The following RP1 variants were observed in gnomAD, a reference collection of about 807,000 sequenced individuals.
RP1 encodes oxygen-regulated protein 1.
RP1 carries 16 observed loss-of-function variants against 14.8 expected under a neutral mutation model. That is an observed-to-expected ratio of 1.08 (90% CI 0.73 to 1.65). RP1 has a LOEUF of 1.65. Among genes scored for constraint, RP1 ranks in the 40% most tolerant of loss-of-function variants. RP1 has a pLI of 0.00. For synonymous variants in RP1, 876 were observed against 883.6 expected (o/e 0.99, Z 0.15); for missense variants, 2,631 against 2,535.0 (o/e 1.04, Z -0.81).
intron 24 of RP1, among the ~76,000 whole-genome samples, chr8:54,802,088 G>C (rs1201186327): frequency 6.6e-6 from 1 of 152,014 alleles, no homozygotes; most frequent in East Asian, 1.9e-4. Flanking sequence ...ATGTATAAAG[G>C]CTCAGTAACC....
chr8:54,613,840 CAT>C (rs1179088664), upstream of RP1, among the ~76,000 whole-genome samples: 1 of 152,112 alleles, frequency 6.6e-6, no homozygotes, highest in Non-Finnish European at 1.5e-5. Context: ...CAGAGTAAGA[CAT>C]ATGGATCGAA....
chr8:54,615,391 G>A (rs185533613), upstream of RP1, among the ~76,000 whole-genome samples: 197 of 152,240 alleles, frequency 1.3e-3, no homozygotes, highest in Non-Finnish European at 2.3e-3. Flanking sequence ...AGGAAGCCCC[G>A]TAGGAAACCC....
At chr8:54,689,942 G>A (rs1192075074) in intron 12 of RP1, among the ~76,000 whole-genome samples, 1 of 151,626 alleles carries the variant, frequency 6.6e-6, no homozygotes, top group Non-Finnish European at 1.5e-5. Flanking sequence ...ATTTCATAGG[G>A]GATATAGCTT....
chr8:54,672,030 G>C (rs1220685164), intron 7 of RP1, among the ~76,000 whole-genome samples: 1 of 152,130 alleles, frequency 6.6e-6, no homozygotes. Flanking sequence ...AACCTTTTCT[G>C]ACAATGTGTC....
chr8:54,705,957 A>G (rs938720512), intron 14 of RP1, among the ~76,000 whole-genome samples: 1 of 151,936 alleles, frequency 6.6e-6, no homozygotes, highest in African/African-American at 2.4e-5. Context: ...AACTCTCAAG[A>G]GTCTTTTATA....
intron 24 of RP1, among the ~76,000 whole-genome samples, chr8:54,791,210 TA>T (rs538866903): frequency 6.6e-6 from 1 of 151,546 alleles, no homozygotes; most frequent in South Asian, 2.1e-4. Context: ...TTCAAAATAC[TA>T]AAAAAAACCT....
chr8:54,594,058 G>A (rs1805092143), intron 1 of RP1, among the ~76,000 whole-genome samples: 1 of 142,996 alleles, frequency 7.0e-6, no homozygotes, highest in Non-Finnish European at 1.5e-5. Context: ...GTCTGAGGCT[G>A]GAAACACATC....
chr8:54,822,941 C>T (rs982147404), intron 24 of RP1, among the ~76,000 whole-genome samples: 11 of 152,146 alleles, frequency 7.2e-5, no homozygotes, highest in Admixed American at 1.3e-4. Context: ...TAAATAATTA[C>T]GTATTCCTTG....
intron 1 of RP1, among the ~76,000 whole-genome samples, chr8:54,583,572 A>C (rs1804848132): frequency 6.6e-6 from 1 of 152,204 alleles, no homozygotes; most frequent in African/African-American, 2.4e-5. Context: ...TTCAGAAGGA[A>C]TGGTACCAGT....
intron 24 of RP1, among the ~76,000 whole-genome samples, chr8:54,832,385 C>CT (rs750547726): frequency 7.1e-4 from 107 of 151,652 alleles, no homozygotes; most frequent in Non-Finnish European, 1.3e-3. Flanking sequence ...AGTTTACTGA[C>CT]TTTTTTGTGT....
At chr8:54,820,732 T>C (rs141324125) in intron 24 of RP1, among the ~76,000 whole-genome samples, 102 of 152,268 alleles carry the variant, frequency 6.7e-4, no homozygotes, top group African/African-American at 2.4e-3. Flanking sequence ...TAAAACCAGG[T>C]ACTGCGATCA....
chr8:54,605,860 A>G (rs1037920425), intron 1 of RP1, among the ~76,000 whole-genome samples: 2 of 151,774 alleles, frequency 1.3e-5, no homozygotes, highest in Non-Finnish European at 2.9e-5. Context: ...TAGGATTGCA[A>G]CCCCTGCCTT....
chr8:54,572,946 C>T (rs1244487036), intron 1 of RP1, among the ~76,000 whole-genome samples: 1 of 152,134 alleles, frequency 6.6e-6, no homozygotes, highest in East Asian at 1.9e-4. Flanking sequence ...ATCAGAGTGT[C>T]AGTTGTACAA....
chr8:54,691,428 A>C, intron 12 of RP1, among the ~76,000 whole-genome samples: 1 of 152,112 alleles, frequency 6.6e-6, no homozygotes, highest in East Asian at 1.9e-4. Flanking sequence ...TAGATTTGAA[A>C]GCTAGGAATG....
At chr8:54,599,459 A>G (rs1805222928) in intron 1 of RP1, among the ~76,000 whole-genome samples, 1 of 103,210 alleles carries the variant, frequency 9.7e-6, no homozygotes, top group Admixed American at 1.3e-4. Context: ...GTTGACTGAA[A>G]GTCTTTTTTT....
chr8:54,697,515 A>G (rs1041985155), intron 12 of RP1, among the ~76,000 whole-genome samples: 8 of 152,180 alleles, frequency 5.3e-5, no homozygotes, highest in African/African-American at 1.9e-4. Context: ...AGATTGTGCC[A>G]TTGCACTCCA....
At chr8:54,672,416 A>T (rs1359445787) in intron 7 of RP1, among the ~76,000 whole-genome samples, 2 of 152,134 alleles carry the variant, frequency 1.3e-5, no homozygotes, top group African/African-American at 4.8e-5. Context: ...AGATGGCTTG[A>T]ACTTTTCTGC....
rs546280801 is a variant in RP1 at position 54,731,669 on chromosome 8, A to C, written c.2522-2876A>C. ...GTTATTTTTGTGCAAATGATGCAAG[A>C]ACATGTTAATGCAGGAATAAGGGGC... On this transcript the variant is annotated intron_variant, in intron 17 of 22. Transcript: ENST00000636932. Among the ~76,000 whole-genome samples, 65 of 152,244 alleles carry C rather than the reference A, an allele frequency of 4.3e-4. 1 individual carries two copies. The highest frequency in any genetic ancestry group is 1.5e-3 in the African/African-American group (63 of 41,548).
At chr8:54,781,074 C>T in intron 23 of RP1, 1 of 983,234 alleles carries the variant, frequency 1.0e-6, no homozygotes, top group Non-Finnish European at 1.2e-6. Context: ...CCTCCTAAGG[C>T]TGTGGTTTCC....
Sources: gnomAD v4.1 joint callset for allele counts (sites outside exome capture counted in the v4.1 genomes callset) on GRCh38, gnomAD v4.1.1 for gene constraint, MANE v1.5 for transcripts, NCBI Gene and HGNC (gene_info 2026-07-23, HGNC 2026-07-21) for gene names.